Variants in NELL1 observed in about 807,000 individuals in gnomAD.
NELL1 encodes the protein neural EGFL like 1.
NELL1 carries 76 observed loss-of-function variants against 107.4 expected under a neutral mutation model. That is an observed-to-expected ratio of 0.71 (90% CI 0.59 to 0.86). The LOEUF (loss-of-function observed/expected upper bound fraction) is 0.86. Among genes scored for constraint, NELL1 ranks in the 40% least tolerant of loss-of-function variants. NELL1 has a pLI of 0.00. For synonymous variants in NELL1, 353 were observed against 341.2 expected (o/e 1.03, Z -0.38); for missense variants, 1,024 against 1,005.5 (o/e 1.02, Z -0.25).
chr11:20,755,000 G>T (rs111892710), intron 2 of NELL1, among the ~76,000 whole-genome samples: 2,311 of 152,190 alleles, frequency 0.015, 54 homozygotes, highest in African/African-American at 0.052. Flanking sequence ...CAAATATTTC[G>T]CATTATACAG....
chr11:20,724,097 G>A (rs1049629671), intron 2 of NELL1, among the ~76,000 whole-genome samples: 6 of 151,646 alleles, frequency 4.0e-5, no homozygotes, highest in Admixed American at 2.6e-4. Flanking sequence ...GAGCAGCTGG[G>A]CCCTGGGCCT....
At chr11:21,573,126 T>G in intron 18 of NELL1, 59 bp from the exon 19 acceptor site, 2 of 1,304,960 alleles carry the variant, frequency 1.5e-6, no homozygotes, top group Non-Finnish European at 2.2e-6. Context: ...TTCTATGACT[T>G]TGGGAATAAA....
At position 21,073,614 on chromosome 11, in the gene NELL1, G is replaced by T. The variant is rs534894638; in HGVS notation, c.1301-39975G>T. ...GCTGTATGTGATCAAAGACTACTTG[G>T]TGGGGTCTGAAGGTAATACAAGCTC... On this transcript the variant is annotated intron_variant, in intron 12 of 19. Transcript: ENST00000357134. 8.5e-5 allele frequency among the ~76,000 whole-genome samples: 13 copies of T among 152,238 alleles called. No individual in the cohort carries two copies. In the South Asian group the frequency reaches 2.1e-3, roughly 24 times the overall value.
At chr11:21,081,323 C>T (rs774058158) in intron 12 of NELL1, among the ~76,000 whole-genome samples, 1 of 152,116 alleles carries the variant, frequency 6.6e-6, no homozygotes, top group African/African-American at 2.4e-5. Context: ...TTGCAGGCTC[C>T]TGTTCTATCT....
intron 14 of NELL1, among the ~76,000 whole-genome samples, chr11:21,268,908 A>G (rs1178135321): frequency 6.6e-6 from 1 of 152,182 alleles, no homozygotes; most frequent in African/African-American, 2.4e-5. Flanking sequence ...GATAAAGTAG[A>G]CAGAATGTAA....
intron 13 of NELL1, among the ~76,000 whole-genome samples, chr11:21,185,884 ACT>A (rs1050167229): frequency 6.6e-6 from 1 of 151,650 alleles, no homozygotes; most frequent in African/African-American, 2.4e-5. Context: ...TCTGCAAATG[ACT>A]CTAATTTAAA....
At chr11:20,911,372 C>T (rs1850127760) in intron 5 of NELL1, among the ~76,000 whole-genome samples, 1 of 152,212 alleles carries the variant, frequency 6.6e-6, no homozygotes, top group Non-Finnish European at 1.5e-5. Context: ...TTTTTATCCC[C>T]ATTGTGTAGG....
intron 15 of NELL1, among the ~76,000 whole-genome samples, chr11:21,392,000 A>G (rs1443409822): frequency 6.6e-6 from 1 of 151,846 alleles, no homozygotes. Flanking sequence ...CTATAAATTA[A>G]TTAAATTTCT....
intron 15 of NELL1, among the ~76,000 whole-genome samples, chr11:21,473,759 G>C (rs190058248): frequency 6.6e-6 from 1 of 151,966 alleles, no homozygotes; most frequent in Non-Finnish European, 1.5e-5. Flanking sequence ...AAATTCTAAG[G>C]CTTACGTGGG....
intron 3 of NELL1, among the ~76,000 whole-genome samples, chr11:20,805,486 T>C (rs1383220041): frequency 6.6e-6 from 1 of 152,210 alleles, no homozygotes; most frequent in Non-Finnish European, 1.5e-5. Flanking sequence ...TTTTTAGATT[T>C]GCAAATAATG....
intron 3 of NELL1, among the ~76,000 whole-genome samples, chr11:20,789,695 A>G (rs1421443194): frequency 1.3e-5 from 2 of 152,268 alleles, no homozygotes; most frequent in African/African-American, 4.8e-5. Context: ...CAAGATGAAG[A>G]GAAGCTTTAT....
intron 2 of NELL1, among the ~76,000 whole-genome samples, chr11:20,706,175 C>T (rs1029326873): frequency 7.9e-5 from 12 of 152,026 alleles, no homozygotes; most frequent in African/African-American, 2.7e-4. Flanking sequence ...GGTTATATAC[C>T]CAAAGGACTA....
rs146699405 is a variant in NELL1, at chr11:21,084,426, A to C, written c.1301-29163A>C. 2.2e-3 allele frequency among the ~76,000 whole-genome samples: 331 copies of C among 152,314 alleles called. 1 individual carries two copies. The highest frequency in any genetic ancestry group is 3.3e-3 in the Non-Finnish European group (227 of 68,018). ...GATAGCATAAAATGAGATAATGAAT[A>C]CTTTCTAAACATAGTATTTTGTCCA... On this transcript the variant is annotated intron_variant, in intron 12 of 19. Coordinates refer to ENST00000357134, the MANE Select transcript of NELL1 (RefSeq NM_006157.5).
chr11:21,560,683 T>C (rs1345878063), intron 17 of NELL1, among the ~76,000 whole-genome samples: 1 of 151,978 alleles, frequency 6.6e-6, no homozygotes, highest in Non-Finnish European at 1.5e-5. Flanking sequence ...TTAAGGTTGG[T>C]TGGGTGAGAG....
chr11:21,039,939 A>C (rs996636543), intron 12 of NELL1, among the ~76,000 whole-genome samples: 1 of 152,188 alleles, frequency 6.6e-6, no homozygotes, highest in African/African-American at 2.4e-5. Flanking sequence ...AATAAATCTT[A>C]ATAACTTTGT....
intron 15 of NELL1, among the ~76,000 whole-genome samples, chr11:21,470,801 G>A (rs4382904): frequency 0.78 from 117,882 of 152,070 alleles, 46,173 homozygotes; most frequent in East Asian, 0.91. Context: ...TTGGAACTCA[G>A]TTCTAGAGCT....
intron 14 of NELL1, among the ~76,000 whole-genome samples, chr11:21,337,835 T>TC (rs1565175583): frequency 0.014 from 521 of 37,520 alleles, 9 homozygotes; most frequent in African/African-American, 0.043. Context: ...TTTCTTTCTT[T>TC]CTTTTCTTTC....
intron 15 of NELL1, among the ~76,000 whole-genome samples, chr11:21,435,463 A>G (rs928697338): frequency 3.4e-5 from 5 of 146,846 alleles, no homozygotes; most frequent in Non-Finnish European, 6.0e-5. Flanking sequence ...TTTACCATGA[A>G]GAGATGTTAG....
At chr11:21,272,513 T>TGCAGACTTAAATGTCCCTGTCTG (rs1296190598) in intron 14 of NELL1, among the ~76,000 whole-genome samples, 2 of 152,212 alleles carry the variant, frequency 1.3e-5, no homozygotes, top group African/African-American at 4.8e-5. Context: ...CAGAATCCTC[T>TGCAGACTTAAATGTCCCTGTCTG]GCAGACTTAA....
Sources: gnomAD v4.1 joint callset for allele counts (sites outside exome capture counted in the v4.1 genomes callset) on GRCh38, gnomAD v4.1.1 for gene constraint, MANE v1.5 for transcripts, NCBI Gene and HGNC (gene_info 2026-07-23, HGNC 2026-07-21) for gene names.